Variants in AS3MT observed in about 807,000 individuals in gnomAD.
AS3MT encodes arsenite methyltransferase, also known as S-adenosyl-L-methionine:arsenic(III) methyltransferase.
A neutral mutation model predicts 45.3 loss-of-function variants in AS3MT; 47 were observed. The observed-to-expected ratio is 1.04, with a 90% CI of 0.82 to 1.32. The LOEUF (loss-of-function observed/expected upper bound fraction) is 1.32. Ranked by LOEUF, AS3MT falls within the 40% of genes most tolerant of loss-of-function variation. The pLI is 0.00. For synonymous variants in AS3MT, 141 were observed against 152.8 expected (o/e 0.92, Z 0.57); for missense variants, 396 against 451.1 (o/e 0.88, Z 1.11).
At chr10:102,876,522 C>T (rs1008941174) in intron 6 of AS3MT, among the ~76,000 whole-genome samples, 7 of 152,088 alleles carry the variant, frequency 4.6e-5, no homozygotes, top group Admixed American at 2.0e-4. Context: ...CAGCAAGCCT[C>T]CCACTTCGGC....
chr10:102,877,402 C>T (rs1471620079), intron 7 of AS3MT, among the ~76,000 whole-genome samples: 1 of 151,970 alleles, frequency 6.6e-6, no homozygotes, highest in Non-Finnish European at 1.5e-5. Flanking sequence ...TTATTGTGTT[C>T]TTTATTCCTT....
At chr10:102,892,975 ACT>A (rs1354055305) in intron 10 of AS3MT, among the ~76,000 whole-genome samples, 1 of 147,350 alleles carries the variant, frequency 6.8e-6, no homozygotes, top group African/African-American at 2.5e-5. Context: ...ACAGAGTGAG[ACT>A]CTGTCTCAAA....
intron 5 of AS3MT, among the ~76,000 whole-genome samples, chr10:102,873,815 T>C (rs746600061): frequency 1.1e-4 from 16 of 152,176 alleles, no homozygotes; most frequent in Non-Finnish European, 2.1e-4. Flanking sequence ...GCTCCTACAA[T>C]ACATGCTGAC....
At chr10:102,877,067 C>G in intron 7 of AS3MT, 32 bp downstream of exon 7, 2 of 1,589,390 alleles carry the variant, frequency 1.3e-6, no homozygotes, top group Non-Finnish European at 1.7e-6. Flanking sequence ...AGTATTAAGG[C>G]AGATGGTTGT....
intron 6 of AS3MT, among the ~76,000 whole-genome samples, chr10:102,875,270 A>G (rs1844765237): frequency 6.6e-6 from 1 of 152,066 alleles, no homozygotes; most frequent in Non-Finnish European, 1.5e-5. Flanking sequence ...TGAGGTCAGG[A>G]GTTTGAGACC....
intron 10 of AS3MT, among the ~76,000 whole-genome samples, chr10:102,894,333 G>A (rs113838328): frequency 4.0e-5 from 6 of 151,870 alleles, no homozygotes; most frequent in African/African-American, 1.5e-4. Flanking sequence ...TGAGGCAGGA[G>A]AATTCCTTGA....
At chr10:102,883,369 A>G (rs1331084993) in intron 9 of AS3MT, among the ~76,000 whole-genome samples, 5 of 151,638 alleles carry the variant, frequency 3.3e-5, no homozygotes, top group Admixed American at 3.3e-4. Flanking sequence ...CCAAAGTACT[A>G]GGATTATAGA....
At chr10:102,882,002 C>T (rs372792083) in intron 9 of AS3MT, among the ~76,000 whole-genome samples, 27 of 151,682 alleles carry the variant, frequency 1.8e-4, no homozygotes, top group Admixed American at 1.4e-3. Context: ...TGCAGTGGCC[C>T]GATCTCGGCT....
chr10:102,896,115 T>TGAGGTCAG (rs1845166139), intron 10 of AS3MT, among the ~76,000 whole-genome samples: 1 of 151,468 alleles, frequency 6.6e-6, no homozygotes, highest in African/African-American at 2.4e-5. Flanking sequence ...GCAGACCACT[T>TGAGGTCAG]GAGGTCAGGA....
intron 9 of AS3MT, among the ~76,000 whole-genome samples, chr10:102,888,490 C>T (rs1044437563): frequency 4.6e-5 from 7 of 151,984 alleles, no homozygotes; most frequent in East Asian, 1.9e-4. Flanking sequence ...GGCGCAATCT[C>T]GGCTCACTGC....
intron 6 of AS3MT, among the ~76,000 whole-genome samples, chr10:102,876,734 A>AT (rs1433455479): frequency 2.0e-5 from 3 of 152,162 alleles, no homozygotes; most frequent in African/African-American, 7.2e-5. Flanking sequence ...TTAGAATGTG[A>AT]TTTTATTACC....
rs1438549636 is a variant in AS3MT, at chr10:102,869,799, C to T, written c.2-6C>T. 3 of 1,614,040 alleles carry T rather than the reference C, an allele frequency of 1.9e-6. No individual in the cohort carries two copies. Among genetic ancestry groups the T allele is most frequent in the Admixed American group, 1.7e-5 (1 of 60,008 alleles). On this transcript the variant is annotated splice_polypyrimidine_tract_variant and splice_region_variant and intron_variant, in intron 1 of 10. Transcript: ENST00000369880. Reference sequence around the variant, plus strand: ...TCCTTTCAACTAACTTTCCCGCTCCCGACAGTGGCTGCACTTCGTGACGCT... The same window carrying T: ...TCCTTTCAACTAACTTTCCCGCTCCTGACAGTGGCTGCACTTCGTGACGCT...
intron 9 of AS3MT, among the ~76,000 whole-genome samples, chr10:102,885,263 C>G (rs959029485): frequency 6.6e-6 from 1 of 152,020 alleles, no homozygotes; most frequent in Non-Finnish European, 1.5e-5. Flanking sequence ...GCTTATTTCT[C>G]TTAACATAAT....
intron 4 of AS3MT, 47 bp downstream of exon 4, chr10:102,872,645 T>G: frequency 6.4e-7 from 1 of 1,558,586 alleles, no homozygotes; most frequent in South Asian, 1.2e-5. Context: ...CTCAAAAGCA[T>G]TATTTGAAAA....
intron 10 of AS3MT, among the ~76,000 whole-genome samples, chr10:102,893,370 G>A (rs755596408): frequency 1.9e-4 from 29 of 152,092 alleles, no homozygotes; most frequent in Non-Finnish European, 4.0e-4. Flanking sequence ...CCAGGCTGGG[G>A]TGCAGTGGCG....
At chr10:102,899,983 CCTAT>C (rs1341088996) in intron 10 of AS3MT, among the ~76,000 whole-genome samples, 1 of 152,036 alleles carries the variant, frequency 6.6e-6, no homozygotes, top group African/African-American at 2.4e-5. Flanking sequence ...CTCTTGATTT[CCTAT>C]CTTTGTACTT....
Position 102,900,937 on chromosome 10 carries a change from A to T in AS3MT, c.*237A>T. ...TGTCTCTACCAAAAATACAAAAAAA[A>T]TTAGCTGGGCATGGTGGTGCACACC... On this transcript the variant is annotated 3_prime_UTR_variant, in exon 11 of 11. Coordinates refer to ENST00000369880, the MANE Select transcript of AS3MT (RefSeq NM_020682.4). 2.6e-6 allele frequency: 1 copy of T among 378,790 alleles called. No individual in the cohort carries two copies. Among genetic ancestry groups the T allele is most frequent in the Non-Finnish European group, 5.0e-6 (1 of 199,824 alleles). 23.5% of individuals were successfully genotyped at this position (378,790 alleles called of 1,614,324 possible). A position where few individuals can be genotyped will look rare whatever the true frequency, so the allele number is the denominator to read the frequency against.
Position 102,873,192 on chromosome 10 carries a change from G to A in AS3MT, c.417G>A (p.Leu139=), listed in dbSNP as rs1303640719. 2.5e-6 allele frequency: 4 copies of A among 1,610,284 alleles called. No individual in the cohort carries two copies. Among genetic ancestry groups the A allele is most frequent in the Middle Eastern group, 3.3e-4 (2 of 6,044 alleles). ...VTFIHGYIEK[L]GEAGIKNESH... is the part of the protein sequence containing the mutation. Reference sequence around the variant, plus strand: ...TTATTCATGGCTACATTGAGAAGTTGGGAGAGGCTGGAATCAAGAATGAGA... The same window carrying A: ...TTATTCATGGCTACATTGAGAAGTTAGGAGAGGCTGGAATCAAGAATGAGA... Residue 139 remains leucine (L), a synonymous_variant, in exon 5 of 11, where the codon TTG becomes TTA. Transcript: ENST00000369880.
intron 5 of AS3MT, 61 bp from the exon 6 acceptor site, chr10:102,874,531 G>T: frequency 8.0e-7 from 1 of 1,254,300 alleles, no homozygotes. Context: ...GGGTCTGAAA[G>T]GATTTGCAGA....
Sources: allele counts gnomAD v4.1 joint callset (sites outside exome capture counted in the v4.1 genomes callset), GRCh38; gene constraint gnomAD v4.1.1; transcripts MANE v1.5; gene names NCBI Gene and HGNC (gene_info 2026-07-23, HGNC 2026-07-21).